ANXA7: variants seen among roughly 807,000 people sequenced by gnomAD.
The protein encoded by ANXA7 is annexin VII.
Under a neutral mutation model 64.9 loss-of-function variants are expected in ANXA7, and 55 were observed. The ratio of observed to expected loss-of-function variants is 0.85; its 90% CI spans 0.68 to 1.06. The LOEUF (loss-of-function observed/expected upper bound fraction) is 1.06. ANXA7 is among the 50% of genes least tolerant of loss of function. ANXA7 has a pLI of 0.00. For synonymous variants in ANXA7, 200 were observed against 192.4 expected (o/e 1.04, Z -0.33); for missense variants, 548 against 582.1 (o/e 0.94, Z 0.60).
intron 7 of ANXA7, among the ~76,000 whole-genome samples, chr10:73,384,706 T>C (rs2055335000): frequency 6.6e-6 from 1 of 152,104 alleles, no homozygotes; most frequent in Non-Finnish European, 1.5e-5. Context: ...CAGCCGATAT[T>C]GTTCTTATTT....
intron 11 of ANXA7, 59 bp from the exon 12 acceptor site, chr10:73,379,082 C>T (rs1033688094): frequency 8.4e-7 from 1 of 1,190,992 alleles, no homozygotes; most frequent in Non-Finnish European, 1.2e-6. Flanking sequence ...TGTACCCCTC[C>T]AGCTTCATTT....
chr10:73,384,866 T>A (rs1200879141), intron 7 of ANXA7, among the ~76,000 whole-genome samples: 2 of 151,824 alleles, frequency 1.3e-5, no homozygotes, highest in African/African-American at 2.4e-5. Flanking sequence ...AAAATTAGCA[T>A]GCAAAGACGA....
At position 73,388,317 on chromosome 10, in the gene ANXA7, C is replaced by A. The variant is rs775068554; in HGVS notation, c.533G>T (p.Gly178Val). Residue 178 changes from glycine (G) to valine (V), a missense_variant, in exon 6 of 13, where the codon GGT (glycine) becomes GTT (valine). Coordinates refer to ENST00000372921, the MANE Select transcript of ANXA7 (RefSeq NM_001156.5). ...CAAAAATTTGTTTTCCTTACCAAAA[C>A]CCTTCATTGCCTTACGAAGAATTTC... ...DAEILRKAMK[G>V]FGTDEQAIVD... is the part of the protein sequence containing the mutation. 4.3e-6 allele frequency: 7 copies of A among 1,612,928 alleles called. No homozygotes were observed. The highest frequency in any genetic ancestry group is 5.9e-6 in the Non-Finnish European group (7 of 1,178,958).
intron 5 of ANXA7, among the ~76,000 whole-genome samples, chr10:73,390,695 T>TACATATATATATATATATATATATAAAA (rs1378864395): frequency 1.8e-5 from 2 of 113,280 alleles, no homozygotes; most frequent in East Asian, 5.6e-4. Flanking sequence ...TTTTGTAAAA[T>TACATATATATATATATATATATATAAAA]ATATATATAT....
intron 9 of ANXA7, 108 bp from the exon 10 acceptor site, chr10:73,380,309 T>A: frequency 1.8e-6 from 2 of 1,135,720 alleles, no homozygotes; most frequent in Non-Finnish European, 2.5e-6. Context: ...TTCTTTTTTT[T>A]TTGAGATAGG....
intron 1 of ANXA7, among the ~76,000 whole-genome samples, chr10:73,401,775 T>C (rs2055670681): frequency 6.6e-6 from 1 of 151,904 alleles, no homozygotes; most frequent in African/African-American, 2.4e-5. Flanking sequence ...GTGCTGGGAT[T>C]ACAGGCGTAA....
chr10:73,402,969 T>C (rs1409964521), intron 1 of ANXA7, among the ~76,000 whole-genome samples: 3 of 152,000 alleles, frequency 2.0e-5, no homozygotes, highest in South Asian at 2.1e-4. Flanking sequence ...GGATTACAGG[T>C]GCCTGCCACC....
At chr10:73,405,084 A>G (rs1262968121) in intron 1 of ANXA7, among the ~76,000 whole-genome samples, 2 of 152,132 alleles carry the variant, frequency 1.3e-5, no homozygotes, top group Non-Finnish European at 2.9e-5. Flanking sequence ...TCTATAAAAA[A>G]TCCAAAAAAT....
At chr10:73,394,046 C>G (rs563149660) in intron 5 of ANXA7, among the ~76,000 whole-genome samples, 49 of 152,240 alleles carry the variant, frequency 3.2e-4, no homozygotes, top group African/African-American at 1.2e-3. Context: ...AAAAAGTGGG[C>G]AAAGGATATG....
At position 73,387,684 on chromosome 10, in the gene ANXA7, C is replaced by T. The variant is rs760667940; in HGVS notation, c.633+5G>A. ...TGGTGCTCATTCCAGGAAAGAAAAA[C>T]ATACCTTGCCATAGGAGGTCTTAAA... On this transcript the variant is annotated splice_donor_5th_base_variant and intron_variant, in intron 7 of 12. Transcript: ENST00000372921. 23 of 1,611,594 alleles carry T rather than the reference C, an allele frequency of 1.4e-5. No homozygotes were observed. Among genetic ancestry groups the T allele is most frequent in the Non-Finnish European group, 1.9e-5 (22 of 1,177,892 alleles).
chr10:73,396,601 AT>A lies in ANXA7; in HGVS notation c.371-19del, dbSNP rs1229550435. 7 of 1,525,120 alleles carry A rather than the reference AT, an allele frequency of 4.6e-6. No individual in the cohort carries two copies. Among genetic ancestry groups the A allele is most frequent in the South Asian group, 1.2e-5 (1 of 86,276 alleles). The allele number at this position is 1,525,120 out of a possible 1,614,324, so 94.5% of individuals were successfully genotyped here. ...AAAGCCACCTATAATGTTAAAAAAAATAATAATAATACGGCAACAGGTCTTA... is the reference window on the plus strand; with the variant it reads ...AAAGCCACCTATAATGTTAAAAAAAAAATAATAATACGGCAACAGGTCTTA... On this transcript the variant is annotated intron_variant, in intron 4 of 12. Coordinates refer to ENST00000372921, the MANE Select transcript of ANXA7 (RefSeq NM_001156.5).
rs896765176 is a variant in ANXA7, at chr10:73,403,477, G to C, written c.-1-2620C>G. On this transcript the variant is annotated intron_variant, in intron 1 of 12. Coordinates refer to ENST00000372921, the MANE Select transcript of ANXA7 (RefSeq NM_001156.5). Reference sequence around the variant, plus strand: ...TACTCCAGCCTGGGCAACAGAGTGAGACCGTGTCTCTTAAAAAAAAACAAA... The same window carrying C: ...TACTCCAGCCTGGGCAACAGAGTGACACCGTGTCTCTTAAAAAAAAACAAA... Among the ~76,000 whole-genome samples the C allele has an allele frequency of 3.9e-5, 6 of 152,176 alleles. No individual in the cohort carries two copies. In the East Asian group the frequency reaches 1.2e-3, roughly 29 times the overall value.
chr10:73,382,685 G>C (rs1232432447), intron 9 of ANXA7, among the ~76,000 whole-genome samples: 1 of 152,098 alleles, frequency 6.6e-6, no homozygotes, highest in Non-Finnish European at 1.5e-5. Flanking sequence ...ACCCTATTTG[G>C]AGTATTTTCT....
intron 7 of ANXA7, among the ~76,000 whole-genome samples, chr10:73,387,428 T>G (rs940746816): frequency 1.4e-4 from 22 of 152,248 alleles, no homozygotes; most frequent in African/African-American, 5.3e-4. Context: ...GGCAGGAGAA[T>G]TGCTTGAACT....
intron 11 of ANXA7, 44 bp from the exon 12 acceptor site, chr10:73,379,067 A>G: frequency 7.4e-7 from 1 of 1,358,668 alleles, no homozygotes; most frequent in Non-Finnish European, 1.0e-6. Flanking sequence ...TGATCTCACA[A>G]GAAGTGTACC....
chr10:73,384,127 A>G (rs2055324240), intron 7 of ANXA7, among the ~76,000 whole-genome samples: 1 of 152,080 alleles, frequency 6.6e-6, no homozygotes. Context: ...TCTCAAAAAA[A>G]AAAATAAATA....
chr10:73,406,635 C>CATCA (rs1295604000), intron 1 of ANXA7, among the ~76,000 whole-genome samples: 1 of 152,098 alleles, frequency 6.6e-6, no homozygotes, highest in African/African-American at 2.4e-5. Context: ...AGTAGTGTGA[C>CATCA]ATCAGCTCAC....
chr10:73,379,231 G>A (rs1220902020), intron 11 of ANXA7, among the ~76,000 whole-genome samples: 1 of 152,130 alleles, frequency 6.6e-6, no homozygotes, highest in Non-Finnish European at 1.5e-5. Flanking sequence ...GTGCAGTGGT[G>A]CAATCATGGC....
intron 8 of ANXA7, 78 bp downstream of exon 8, chr10:73,383,499 T>C (rs2055308880): frequency 1.5e-6 from 2 of 1,326,288 alleles, no homozygotes; most frequent in African/African-American, 3.0e-5. Context: ...CCACTGTAAA[T>C]TCAGAACTGT....
Sources: gnomAD v4.1 joint callset for allele counts (sites outside exome capture counted in the v4.1 genomes callset) on GRCh38, gnomAD v4.1.1 for gene constraint, MANE v1.5 for transcripts, NCBI Gene and HGNC (gene_info 2026-07-23, HGNC 2026-07-21) for gene names.